Variants in ASMTL observed in about 807,000 individuals in gnomAD.
ASMTL encodes probable bifunctional dTTP/UTP pyrophosphatase/methyltransferase protein.
A neutral mutation model predicts 60.3 loss-of-function variants in ASMTL; 57 were observed. The ratio of observed to expected loss-of-function variants is 0.95; its 90% CI spans 0.76 to 1.18. ASMTL has a LOEUF of 1.18. Among genes scored for constraint, ASMTL ranks in the 50% most tolerant of loss-of-function variants. The probability of loss-of-function intolerance (pLI) is 0.00; values close to 1 mark genes in which losing one functional copy is unlikely to be tolerated. For synonymous variants in ASMTL, 419 were observed against 373.0 expected, an observed-to-expected ratio of 1.12 and a Z score of -1.42; for missense variants, 981 against 852.6, an observed-to-expected ratio of 1.15 and a Z score of -1.88.
At chrX:1,453,068 C>A (rs1196342006), upstream of ASMTL, 9 of 522,444 alleles carry the variant, frequency 1.7e-5, no homozygotes, top group African/African-American at 3.7e-5. Flanking sequence ...CCAGGCCACA[C>A]CTCCATTGCC....
At position 1,452,882 on chromosome X, in the gene ASMTL, G is replaced by T. The variant is rs1474353489; in HGVS notation, c.-42C>A. 3 of 1,429,516 alleles carry T rather than the reference G, an allele frequency of 2.1e-6. No homozygotes were observed. Among genetic ancestry groups the T allele is most frequent in the Non-Finnish European group, 2.8e-6 (3 of 1,074,520 alleles). The allele number at this position is 1,429,516 out of a possible 1,614,324, so 88.6% of individuals were successfully genotyped here. On this transcript the variant is annotated 5_prime_UTR_variant, in exon 1 of 13. Transcript: ENST00000381317. Reference sequence around the variant, plus strand: ...GCCGGGCGTCCGCACTTCTGAGCCCGGAGCCCGCGGTGCGCGCAGCGCGGC... The same window carrying T: ...GCCGGGCGTCCGCACTTCTGAGCCCTGAGCCCGCGGTGCGCGCAGCGCGGC...
At chrX:1,420,265 A>C (rs1291842823) in intron 9 of ASMTL, among the ~76,000 whole-genome samples, 3 of 142,196 alleles carry the variant, frequency 2.1e-5, no homozygotes, top group Non-Finnish European at 3.1e-5. Flanking sequence ...GTCTCACTCT[A>C]TCTCTGTCTC....
chrX:1,448,256 C>G (rs1309871322), intron 1 of ASMTL, among the ~76,000 whole-genome samples: 1 of 150,336 alleles, frequency 6.7e-6, no homozygotes, highest in Non-Finnish European at 1.5e-5. Flanking sequence ...ATAAGCACCA[C>G]CATCTTGGAC....
Position 1,421,769 on chromosome X carries a change from C to A in ASMTL, c.1134G>T (p.Met378Ile). 1.2e-6 allele frequency: 2 copies of A among 1,613,862 alleles called. No homozygotes were observed. Among genetic ancestry groups the A allele is most frequent in the Non-Finnish European group, 1.7e-6 (2 of 1,179,832 alleles). ...DGEYSLHGFI[M>I]HNNDLTWNLF... The stretch of plus-strand genomic sequence containing the variant: ...GGTTCCATGTGAGGTCATTATTGTG[C>A]ATGATGAAGCCGTGCAGAGAGTATT... The change falls in exon 9 of 13, where the codon ATG (methionine) becomes ATT (isoleucine). Residue 378 changes from methionine to isoleucine, a missense_variant. Met to Ile is a conservative substitution (Grantham distance 10). Coordinates refer to ENST00000381317, the MANE Select transcript of ASMTL (RefSeq NM_004192.4).
chrX:1,404,071 A>C (rs1308768157), intron 12 of ASMTL, among the ~76,000 whole-genome samples: 1 of 151,560 alleles, frequency 6.6e-6, no homozygotes, highest in African/African-American at 2.4e-5. Context: ...GGATGGGTGA[A>C]TAGATGGTAC....
At position 1,442,469 on chromosome X, in the gene ASMTL, T is replaced by G. The variant is rs1442724515; in HGVS notation, c.94-152A>C. On this transcript the variant is annotated intron_variant, in intron 1 of 12. Transcript: ENST00000381317. The stretch of plus-strand genomic sequence containing the variant: ...ATCCATCCGCCAAGCTTTCCCTAAG[T>G]GTGGCTGGGGAGCCGGGGACTGACC... 3.4e-6 allele frequency: 3 copies of G among 894,154 alleles called. No individual in the cohort carries two copies. In the Admixed American group the frequency reaches 7.3e-5, roughly 22 times the overall value. 55.4% of individuals were successfully genotyped at this position (894,154 alleles called of 1,614,324 possible). A position where few individuals can be genotyped will look rare whatever the true frequency, so the allele number is the denominator to read the frequency against.
At chrX:1,407,610 G>A (rs1181150687) in intron 12 of ASMTL, among the ~76,000 whole-genome samples, 2 of 152,034 alleles carry the variant, frequency 1.3e-5, no homozygotes, top group Admixed American at 6.6e-5. Context: ...AAGGCCAGAC[G>A]CAGTGGCTCA....
At position 1,411,514 on chromosome X, in the gene ASMTL, G is replaced by A. The variant is rs767115454; in HGVS notation, c.1645+1218C>T. 1.1e-4 allele frequency among the ~76,000 whole-genome samples: 16 copies of A among 150,722 alleles called. No homozygotes were observed. In the East Asian group the frequency reaches 3.1e-3, roughly 29 times the overall value. On this transcript the variant is annotated intron_variant, in intron 12 of 12. Coordinates refer to ENST00000381317, the MANE Select transcript of ASMTL (RefSeq NM_004192.4). Reference sequence around the variant, plus strand: ...CCAGCAGCCCCACTGGGCTCCAGGAGCAGCCTGGGTGGACGGGGGAGAAAC... The same window carrying A: ...CCAGCAGCCCCACTGGGCTCCAGGAACAGCCTGGGTGGACGGGGGAGAAAC...
chrX:1,412,690 T>G, intron 12 of ASMTL, 42 bp downstream of exon 12: 4 of 1,613,710 alleles, frequency 2.5e-6, no homozygotes, highest in Non-Finnish European at 3.4e-6. Context: ...CCCAAAATAC[T>G]ACGTCTTAAC....
intron 8 of ASMTL, among the ~76,000 whole-genome samples, chrX:1,422,226 T>C (rs2090501330): frequency 6.6e-6 from 1 of 152,130 alleles, no homozygotes; most frequent in South Asian, 2.1e-4. Flanking sequence ...GGCGTTTGCA[T>C]CTACCATCAG....
At chrX:1,428,268 CT>C in intron 6 of ASMTL, 147 bp from the exon 7 acceptor site, 1 of 961,414 alleles carries the variant, frequency 1.0e-6, no homozygotes, top group Non-Finnish European at 1.4e-6. Flanking sequence ...CCTGTCTCTA[CT>C]AAAAAAAATA....
At chrX:1,440,314 A>T (rs1322448699) in intron 2 of ASMTL, among the ~76,000 whole-genome samples, 2 of 149,042 alleles carry the variant, frequency 1.3e-5, no homozygotes, top group East Asian at 4.0e-4. Context: ...ATGGTCTTGA[A>T]CTCCTGACCT....
At position 1,412,927 on chromosome X, in the gene ASMTL, C is replaced by T. The variant is rs73618969; in HGVS notation, c.1523-73G>A. ...AGTCCTCCCCGGACAGATCCTGGGA[C>T]GGCCACCCGCATCCTAAATCAGGGA... On this transcript the variant is annotated intron_variant, in intron 11 of 12. Transcript: ENST00000381317. The T allele has an allele frequency of 2.3e-3, 3,524 of 1,543,182 alleles. 66 individuals are homozygous for T. In the African/African-American group the frequency reaches 0.042, roughly 19 times the overall value.
chrX:1,438,684 A>G (rs1378205695), intron 3 of ASMTL, among the ~76,000 whole-genome samples: 3 of 152,184 alleles, frequency 2.0e-5, no homozygotes, highest in Non-Finnish European at 4.4e-5. Context: ...ATCATTGATG[A>G]TATAGAATTA....
rs1336688662 is a variant in ASMTL at position 1,403,152 on chromosome X, T to G, written c.*117A>C. 1.8e-5 allele frequency: 15 copies of G among 823,402 alleles called. No homozygotes were observed. The highest frequency in any genetic ancestry group is 2.8e-5 in the Non-Finnish European group (14 of 500,604). The allele number at this position is 823,402 out of a possible 1,614,324, so 51.0% of individuals were successfully genotyped here. On this transcript the variant is annotated 3_prime_UTR_variant, in exon 13 of 13. Coordinates refer to ENST00000381317, the MANE Select transcript of ASMTL (RefSeq NM_004192.4). ...AGGAGGCAGAGACAGGCTTTTGCTT[T>G]CTTTATTCAGTCACGACTACACGCT...
rs560764388 is a variant in ASMTL, at chrX:1,425,687, C to T, written c.898G>A (p.Gly300Ser). 4 of 1,613,034 alleles carry T rather than the reference C, an allele frequency of 2.5e-6. No individual in the cohort carries two copies. Among genetic ancestry groups the T allele is most frequent in the African/African-American group, 1.3e-5 (1 of 75,002 alleles). ...TTCAGTTTGCAAGCGGTGAGCAGGC[C>T]CTGTTAAAAGCAAGTGCAGAGAGAC... ...ELIEGFMLSK[G>S]LLTACKLKVF... Residue 300 changes from glycine to serine, a missense_variant and splice_region_variant, in exon 8 of 13, where the codon GGC (glycine) becomes AGC (serine). Physicochemically the swap from Gly to Ser is moderately conservative, Grantham distance 56. Coordinates refer to ENST00000381317, the MANE Select transcript of ASMTL (RefSeq NM_004192.4).
chrX:1,419,332 G>A lies in ASMTL; in HGVS notation c.1246-218C>T, dbSNP rs765342039. Among the ~76,000 whole-genome samples, 292 of 152,230 alleles carry A rather than the reference G, an allele frequency of 1.9e-3. 4 individuals are homozygous for A. The highest frequency in any genetic ancestry group is 6.8e-3 in the African/African-American group (282 of 41,554). ...GACAGAGGACCCCAAAGTGGTGGAC[G>A]ATCTCCTTGGAATCACTTGGTCCAC... On this transcript the variant is annotated intron_variant, in intron 9 of 12. Coordinates refer to ENST00000381317, the MANE Select transcript of ASMTL (RefSeq NM_004192.4).
At chrX:1,445,475 A>C (rs1332131873) in intron 1 of ASMTL, among the ~76,000 whole-genome samples, 2 of 152,138 alleles carry the variant, frequency 1.3e-5, no homozygotes, top group African/African-American at 4.8e-5. Context: ...TAATGACAGC[A>C]GATGGCCCGA....
rs1278665275 is a variant in ASMTL, at chrX:1,412,929, G to C, written c.1523-75C>G. 2.0e-5 allele frequency: 30 copies of C among 1,537,384 alleles called. No individual in the cohort carries two copies. The African/African-American group carries it at 4.0e-4, about 20-fold the overall frequency. ...TCCTCCCCGGACAGATCCTGGGACG[G>C]CCACCCGCATCCTAAATCAGGGACA... On this transcript the variant is annotated intron_variant, in intron 11 of 12. Transcript: ENST00000381317.
Sources: gnomAD v4.1 joint callset for allele counts (sites outside exome capture counted in the v4.1 genomes callset) on GRCh38, gnomAD v4.1.1 for gene constraint, MANE v1.5 for transcripts, NCBI Gene and HGNC (gene_info 2026-07-23, HGNC 2026-07-21) for gene names.